CCDC30: variants seen among roughly 807,000 people sequenced by gnomAD.
CCDC30 encodes the protein coiled-coil domain containing 30.
A neutral mutation model predicts 100.2 loss-of-function variants in CCDC30; 70 were observed. The observed-to-expected ratio is 0.70, with a 90% CI of 0.58 to 0.85. The LOEUF (loss-of-function observed/expected upper bound fraction) is 0.85, where lower values mean the gene tolerates loss of function less well. Among genes scored for constraint, CCDC30 ranks in the 40% least tolerant of loss-of-function variants. CCDC30 has a pLI of 0.00. For synonymous variants in CCDC30, 233 were observed against 269.5 expected (o/e 0.86, Z 1.33); for missense variants, 652 against 771.2 (o/e 0.85, Z 1.83).
In CCDC30 at chr1:42,548,239, G is replaced by A. The variant is rs1034901235; in HGVS notation, c.457-18057G>A. On this transcript the variant is annotated intron_variant, in intron 6 of 16. Transcript: ENST00000668663. ...GGAAACTACTACAGTGTTTGGTAGC[G>A]TGGAGGATACTAGAACAGGCTAGAG... is the stretch of plus-strand genomic sequence containing the variant. 3.3e-5 allele frequency among the ~76,000 whole-genome samples: 5 copies of A among 152,324 alleles called. No individual in the cohort carries two copies. The East Asian group carries it at 5.8e-4, about 18-fold the overall frequency.
chr1:42,539,199 T>C (rs1029010040), intron 6 of CCDC30: 1 of 1,602,622 alleles, frequency 6.2e-7, no homozygotes, highest in African/African-American at 1.3e-5. Context: ...AGTCAGAGCT[T>C]ATATGCCTTT....
intron 6 of CCDC30, among the ~76,000 whole-genome samples, chr1:42,519,475 A>T (rs1272246391): frequency 1.3e-5 from 2 of 152,000 alleles, no homozygotes; most frequent in Non-Finnish European, 2.9e-5. Context: ...TAGTCTATTC[A>T]GATTTTCTGT....
intron 9 of CCDC30, among the ~76,000 whole-genome samples, chr1:42,586,075 A>G (rs1373872672): frequency 6.6e-6 from 1 of 152,236 alleles, no homozygotes; most frequent in Non-Finnish European, 1.5e-5. Context: ...CATAACACGG[A>G]TATCTATGGA....
intron 10 of CCDC30, among the ~76,000 whole-genome samples, chr1:42,602,207 A>G (rs1646416859): frequency 6.6e-6 from 1 of 151,288 alleles, no homozygotes. Context: ...TTAAATCCAA[A>G]GTAAGCTGAA....
At chr1:42,513,833 A>G (rs1468768874) in intron 6 of CCDC30, among the ~76,000 whole-genome samples, 4 of 152,246 alleles carry the variant, frequency 2.6e-5, no homozygotes, top group Non-Finnish European at 5.9e-5. Context: ...TACAAGAAGC[A>G]TAATGATGGC....
At chr1:42,613,481 T>C (rs1646665563) in intron 11 of CCDC30, among the ~76,000 whole-genome samples, 1 of 152,178 alleles carries the variant, frequency 6.6e-6, no homozygotes, top group South Asian at 2.1e-4. Context: ...ATGGTCTCGA[T>C]CTTCTGACGT....
At chr1:42,538,745 A>T (rs975980078) in intron 6 of CCDC30, among the ~76,000 whole-genome samples, 1 of 152,214 alleles carries the variant, frequency 6.6e-6, no homozygotes, top group Non-Finnish European at 1.5e-5. Context: ...ACTTTCAGCA[A>T]TTCCCTTATA....
intron 6 of CCDC30, among the ~76,000 whole-genome samples, chr1:42,517,695 T>C (rs189288590): frequency 1.3e-3 from 195 of 152,382 alleles, no homozygotes; most frequent in African/African-American, 4.5e-3. Flanking sequence ...CTTTGCACTC[T>C]TGTTGAAAAT....
intron 6 of CCDC30, among the ~76,000 whole-genome samples, chr1:42,513,899 G>A (rs1389522883): frequency 1.3e-5 from 2 of 152,210 alleles, no homozygotes; most frequent in East Asian, 1.9e-4. Flanking sequence ...AGGCAAAGAA[G>A]TAGTAGGTCT....
At chr1:42,499,107 T>G (rs1169092058) in intron 6 of CCDC30, among the ~76,000 whole-genome samples, 191 bp downstream of exon 6, 2 of 152,208 alleles carry the variant, frequency 1.3e-5, no homozygotes, top group Admixed American at 6.5e-5. Flanking sequence ...TACTTCTTCC[T>G]CATAGAGAAC....
At chr1:42,466,387 G>A (rs754291010) in intron 1 of CCDC30, among the ~76,000 whole-genome samples, 4 of 152,114 alleles carry the variant, frequency 2.6e-5, no homozygotes, top group African/African-American at 4.8e-5. Context: ...AAAATTCTTT[G>A]TCTCAGTTTG....
intron 10 of CCDC30, among the ~76,000 whole-genome samples, chr1:42,602,275 T>A (rs887207895): frequency 3.3e-5 from 5 of 151,048 alleles, no homozygotes; most frequent in Non-Finnish European, 7.4e-5. Flanking sequence ...AACATGGTGG[T>A]GTTTGTGTAA....
chr1:42,644,693 G>A (rs778468773), exon 14 of CCDC30: 3 of 1,553,186 alleles, frequency 1.9e-6, no homozygotes, highest in African/African-American at 1.4e-5. Flanking sequence ...CCATTCTTAG[G>A]GTACTTTACA....
chr1:42,575,325 T>C (rs1645810132), intron 7 of CCDC30, among the ~76,000 whole-genome samples: 1 of 152,118 alleles, frequency 6.6e-6, no homozygotes, highest in African/African-American at 2.4e-5. Context: ...TCTGGTTCTT[T>C]GATAGGCCTT....
Position 42,554,140 on chromosome 1 carries a change from T to C in CCDC30, c.457-12156T>C, listed in dbSNP as rs555071574. Reference sequence around the variant, plus strand: ...ACTTTTAAGTTGAAGCATCTTTAATTCTCTTAGCCATTTCCATATCTCTAT... The same window carrying C: ...ACTTTTAAGTTGAAGCATCTTTAATCCTCTTAGCCATTTCCATATCTCTAT... On this transcript the variant is annotated intron_variant, in intron 6 of 16. Transcript: ENST00000668663. 8.6e-5 allele frequency among the ~76,000 whole-genome samples: 13 copies of C among 150,428 alleles called. 1 individual carries two copies. The highest frequency in any genetic ancestry group is 7.3e-4 in the Admixed American group (11 of 14,992).
chr1:42,563,078 GT>G lies in CCDC30; in HGVS notation c.457-3215del, dbSNP rs1450103008. Among the ~76,000 whole-genome samples, 5 of 152,126 alleles carry G rather than the reference GT, an allele frequency of 3.3e-5. No homozygotes were observed. In the South Asian group the frequency reaches 6.2e-4, roughly 19 times the overall value. On this transcript the variant is annotated intron_variant, in intron 6 of 16. Transcript: ENST00000668663. ...TCAAGGATCTAGAACCAGAAATACAGTTTGACCCAGCAATCCCATTACTGGG... is the reference window on the plus strand; with the variant it reads ...TCAAGGATCTAGAACCAGAAATACAGTTGACCCAGCAATCCCATTACTGGG...
At chr1:42,528,978 T>C (rs1041977931) in intron 6 of CCDC30, among the ~76,000 whole-genome samples, 6 of 152,360 alleles carry the variant, frequency 3.9e-5, no homozygotes, top group African/African-American at 1.4e-4. Flanking sequence ...CTCAATCCTC[T>C]AAGCTGTGAT....
intron 6 of CCDC30, among the ~76,000 whole-genome samples, chr1:42,551,955 G>T (rs533221556): frequency 9.2e-5 from 14 of 151,876 alleles, no homozygotes; most frequent in Non-Finnish European, 8.8e-5. Context: ...TGTAGAGACG[G>T]AGGTTTCCCT....
chr1:42,574,179 TAA>T (rs1367873884), intron 7 of CCDC30, among the ~76,000 whole-genome samples: 2 of 152,170 alleles, frequency 1.3e-5, no homozygotes, highest in Admixed American at 6.5e-5. Context: ...GAGTTTGTAT[TAA>T]GTTACAATGA....
Sources: gnomAD v4.1 joint callset for allele counts (sites outside exome capture counted in the v4.1 genomes callset) on GRCh38, gnomAD v4.1.1 for gene constraint, MANE v1.5 for transcripts, NCBI Gene and HGNC (gene_info 2026-07-23, HGNC 2026-07-21) for gene names.